TNIP3: variants seen among roughly 807,000 people sequenced by gnomAD.
TNIP3 encodes TNFAIP3 interacting protein 3, also known as TNFAIP3-interacting protein 3.
A neutral mutation model predicts 54.1 loss-of-function variants in TNIP3; 34 were observed. That is an observed-to-expected ratio of 0.63 (90% confidence interval 0.48 to 0.84). TNIP3 has a LOEUF of 0.84. Ranked by LOEUF, TNIP3 falls within the 40% of genes least tolerant of loss-of-function variation. The probability of loss-of-function intolerance (pLI) is 0.00; values close to 1 mark genes in which losing one functional copy is unlikely to be tolerated. For missense variants in TNIP3, 366 were observed against 387.6 expected (o/e 0.94, Z 0.47); for synonymous variants, 134 against 136.8 (o/e 0.98, Z 0.14).
upstream of TNIP3, among the ~76,000 whole-genome samples, chr4:121,165,827 A>T (rs1003871246): frequency 1.3e-5 from 2 of 152,314 alleles, no homozygotes; most frequent in Admixed American, 1.3e-4. Context: ...AAAAAGTTAT[A>T]ACTCACATAA....
At chr4:121,196,550 T>G (rs1725596559) in intron 2 of TNIP3, among the ~76,000 whole-genome samples, 1 of 152,108 alleles carries the variant, frequency 6.6e-6, no homozygotes. Flanking sequence ...ACCAAAGAAT[T>G]TGTCACATTT....
intron 2 of TNIP3, among the ~76,000 whole-genome samples, chr4:121,205,500 T>C (rs1726132911): frequency 1.3e-5 from 2 of 152,236 alleles, no homozygotes; most frequent in Non-Finnish European, 2.9e-5. Flanking sequence ...AGGGATATGA[T>C]GTGACATAGT....
intron 3 of TNIP3, among the ~76,000 whole-genome samples, chr4:121,176,870 C>T (rs1724390486): frequency 6.6e-6 from 1 of 152,044 alleles, no homozygotes; most frequent in Non-Finnish European, 1.5e-5. Context: ...GAAGAGTGTC[C>T]AGGTCTAGAA....
At chr4:121,189,465 C>T (rs115960826) in intron 2 of TNIP3, among the ~76,000 whole-genome samples, 3,871 of 152,232 alleles carry the variant, frequency 0.025, 158 homozygotes, top group African/African-American at 0.087. Context: ...CAGCAATTTT[C>T]AGGTTTTAGT....
chr4:121,173,790 A>G (rs1724133307), intron 3 of TNIP3, among the ~76,000 whole-genome samples: 3 of 152,056 alleles, frequency 2.0e-5, no homozygotes, highest in African/African-American at 4.8e-5. Flanking sequence ...CACCATGCCC[A>G]GCTAATTTTT....
At position 121,158,878 on chromosome 4, in the gene TNIP3, C is replaced by G. The variant is rs182495314; in HGVS notation, c.148-126G>C. On this transcript the variant is annotated intron_variant, in intron 2 of 10. Coordinates refer to ENST00000057513, the MANE Select transcript of TNIP3 (RefSeq NM_024873.6). ...CCATGGATGAAGACAATATTTTTTT[C>G]CATCAAGTTCTGATTGTGCTGGGAT... 612 of 711,762 alleles carry G rather than the reference C, an allele frequency of 8.6e-4. 6 individuals carry two copies. In the African/African-American group the frequency reaches 9.8e-3, roughly 11 times the overall value. 44.1% of individuals were successfully genotyped at this position (711,762 alleles called of 1,614,324 possible).
At chr4:121,212,997 T>C (rs1178759136) in intron 2 of TNIP3, among the ~76,000 whole-genome samples, 1 of 152,202 alleles carries the variant, frequency 6.6e-6, no homozygotes, top group Non-Finnish European at 1.5e-5. Flanking sequence ...AAATGGAGCT[T>C]TAAGGGACTT....
In TNIP3 at chr4:121,164,303, G is replaced by A. The variant is rs1579422078; in HGVS notation, c.-178C>T. The A allele has an allele frequency of 7.0e-7, 1 of 1,424,860 alleles. No homozygotes were observed. Among genetic ancestry groups the A allele is most frequent in the Non-Finnish European group, 9.2e-7 (1 of 1,092,754 alleles). 88.3% of individuals were successfully genotyped at this position (1,424,860 alleles called of 1,614,324 possible). A position where few individuals can be genotyped will look rare whatever the true frequency, so the allele number is the denominator to read the frequency against. On this transcript the variant is annotated 5_prime_UTR_variant, in exon 1 of 11. Coordinates refer to ENST00000057513, the MANE Select transcript of TNIP3 (RefSeq NM_024873.6). Reference sequence around the variant, plus strand: ...TTAAAAATGAACAGAAGTGACTGTGGATAGGAATTACACAGAATAAAGTTA... The same window carrying A: ...TTAAAAATGAACAGAAGTGACTGTGAATAGGAATTACACAGAATAAAGTTA...
At chr4:121,199,017 G>T (rs1725743015) in intron 2 of TNIP3, among the ~76,000 whole-genome samples, 1 of 152,178 alleles carries the variant, frequency 6.6e-6, no homozygotes, top group South Asian at 2.1e-4. Context: ...TCACAAAGTT[G>T]TAAACAATTA....
At chr4:121,162,279 T>G (rs1487041951) in intron 1 of TNIP3, among the ~76,000 whole-genome samples, 3 of 152,218 alleles carry the variant, frequency 2.0e-5, no homozygotes, top group Non-Finnish European at 4.4e-5. Context: ...TTCAGCATTT[T>G]AGGGTTTGAT....
intron 10 of TNIP3, among the ~76,000 whole-genome samples, chr4:121,135,984 A>AT (rs1288620345): frequency 6.6e-6 from 1 of 152,176 alleles, no homozygotes; most frequent in South Asian, 2.1e-4. Context: ...TGAGTGAGGA[A>AT]TTTTTTGGTG....
chr4:121,149,179 A>G (rs555321801), intron 6 of TNIP3, among the ~76,000 whole-genome samples: 2 of 152,350 alleles, frequency 1.3e-5, no homozygotes, highest in South Asian at 4.1e-4. Flanking sequence ...CAATAGATAC[A>G]TGCGGAAGTT....
intron 5 of TNIP3, among the ~76,000 whole-genome samples, chr4:121,152,225 G>A (rs2148807498): frequency 6.6e-6 from 1 of 152,212 alleles, no homozygotes; most frequent in Non-Finnish European, 1.5e-5. Context: ...TGCAAAATCA[G>A]CTACCAAAAT....
chr4:121,180,777 A>G (rs530734325), intron 3 of TNIP3, among the ~76,000 whole-genome samples: 14 of 152,176 alleles, frequency 9.2e-5, no homozygotes, highest in Non-Finnish European at 1.5e-4. Context: ...TTCAAACTCA[A>G]CTCGGTCCTC....
intron 2 of TNIP3, among the ~76,000 whole-genome samples, chr4:121,187,073 C>T (rs1725059735): frequency 6.6e-6 from 1 of 152,170 alleles, no homozygotes; most frequent in South Asian, 2.1e-4. Context: ...AACATTCTGA[C>T]AATTGAGAGG....
intron 3 of TNIP3, among the ~76,000 whole-genome samples, chr4:121,176,511 CATTATGATG>C (rs1323301801): frequency 2.6e-5 from 3 of 116,388 alleles, no homozygotes; most frequent in African/African-American, 6.1e-5. Flanking sequence ...ATCCTACTAG[CATTATGATG>C]ATGATGATGA....
At chr4:121,189,728 A>G (rs1007271394) in intron 2 of TNIP3, among the ~76,000 whole-genome samples, 1 of 152,236 alleles carries the variant, frequency 6.6e-6, no homozygotes, top group African/African-American at 2.4e-5. Flanking sequence ...AAGGCTATGT[A>G]ATTTAAAAAT....
intron 2 of TNIP3, among the ~76,000 whole-genome samples, chr4:121,213,561 C>T (rs554588606): frequency 6.6e-6 from 1 of 151,904 alleles, no homozygotes; most frequent in East Asian, 1.9e-4. Flanking sequence ...ACCATCTCTA[C>T]TAAAAATACA....
upstream of TNIP3, among the ~76,000 whole-genome samples, chr4:121,221,342 A>C (rs1290318006): frequency 6.6e-6 from 1 of 152,186 alleles, no homozygotes; most frequent in Non-Finnish European, 1.5e-5. Context: ...ATAAATATTA[A>C]AAAAGAAAAA....
Sources: gnomAD v4.1 joint callset for allele counts (sites outside exome capture counted in the v4.1 genomes callset) on GRCh38, gnomAD v4.1.1 for gene constraint, MANE v1.5 for transcripts, NCBI Gene and HGNC (gene_info 2026-07-23, HGNC 2026-07-21) for gene names.